Variants in DCLK1 observed in about 807,000 individuals in gnomAD.
DCLK1 encodes the protein serine/threonine-protein kinase DCLK1.
DCLK1 carries 16 observed loss-of-function variants against 86.2 expected under a neutral mutation model. The observed-to-expected ratio is 0.19, with a 90% CI of 0.13 to 0.28. DCLK1 has a LOEUF of 0.28. Ranked by LOEUF, DCLK1 falls within the 10% of genes least tolerant of loss-of-function variation. The pLI, the probability that DCLK1 is intolerant of heterozygous loss-of-function variation, is 1.00. For synonymous variants in DCLK1, 369 were observed against 370.5 expected, an observed-to-expected ratio of 1.00 and a Z score of 0.05; for missense variants, 590 against 940.2, an observed-to-expected ratio of 0.63 and a Z score of 4.87.
chr13:35,842,752 CT>C (rs1427769965), intron 6 of DCLK1, among the ~76,000 whole-genome samples: 1 of 152,200 alleles, frequency 6.6e-6, no homozygotes, highest in African/African-American at 2.4e-5. Context: ...GGACTTCACA[CT>C]TCCTCACGTT....
intron 3 of DCLK1, among the ~76,000 whole-genome samples, chr13:35,950,838 T>C (rs1175959806): frequency 6.6e-6 from 1 of 152,148 alleles, no homozygotes; most frequent in Admixed American, 6.5e-5. Flanking sequence ...CTCTTCTCTG[T>C]GGTTTCACTA....
At chr13:35,790,444 A>C (rs2086691597) in intron 16 of DCLK1, among the ~76,000 whole-genome samples, 1 of 152,192 alleles carries the variant, frequency 6.6e-6, no homozygotes, top group Non-Finnish European at 1.5e-5. Context: ...ACTGCCACCA[A>C]ACCACAAACT....
chr13:35,937,884 G>T (rs1243935593), intron 4 of DCLK1, among the ~76,000 whole-genome samples: 1 of 152,136 alleles, frequency 6.6e-6, no homozygotes, highest in Non-Finnish European at 1.5e-5. Context: ...AGGCAATGTG[G>T]TTTGGTGAGA....
At chr13:35,897,125 G>A (rs1874054090) in intron 4 of DCLK1, among the ~76,000 whole-genome samples, 1 of 152,166 alleles carries the variant, frequency 6.6e-6, no homozygotes, top group Admixed American at 6.5e-5. Context: ...TTCTGGAGTG[G>A]CAGATAAGGA....
chr13:35,771,724 G>C lies in DCLK1; in HGVS notation c.*2811C>G, dbSNP rs1002603989. On this transcript the variant is annotated 3_prime_UTR_variant, in exon 17 of 17. Transcript: ENST00000360631. ...CCATCACCAGGCCACCACCATAAGA[G>C]AGCTATATTAAATACTTGGGAAAAA... The C allele has an allele frequency of 2.0e-5, 3 of 152,060 alleles. No homozygotes were observed. Among genetic ancestry groups the C allele is most frequent in the Non-Finnish European group, 2.9e-5 (2 of 68,012 alleles). The allele number at this position is 152,060 out of a possible 1,614,324, so 9.4% of individuals were successfully genotyped here.
chr13:35,922,561 T>C (rs952681075), intron 4 of DCLK1, among the ~76,000 whole-genome samples: 5 of 152,160 alleles, frequency 3.3e-5, no homozygotes, highest in African/African-American at 1.2e-4. Flanking sequence ...ATTGTGAGGA[T>C]TGTAGGCAAT....
At chr13:35,917,202 C>T (rs537908063) in intron 4 of DCLK1, among the ~76,000 whole-genome samples, 2 of 152,302 alleles carry the variant, frequency 1.3e-5, no homozygotes, top group South Asian at 2.1e-4. Context: ...TGAAAACTCT[C>T]GTGTCACACG....
chr13:35,888,331 G>A (rs907842546), intron 4 of DCLK1, among the ~76,000 whole-genome samples: 6 of 152,014 alleles, frequency 3.9e-5, no homozygotes, highest in Non-Finnish European at 7.4e-5. Flanking sequence ...ACATCTCTGG[G>A]TACATGTGAT....
rs1047137025 is a variant in DCLK1 at position 35,799,250 on chromosome 13, G to GT, written c.1945-5772dup. On this transcript the variant is annotated intron_variant, in intron 15 of 16. Coordinates refer to ENST00000360631, the MANE Select transcript of DCLK1 (RefSeq NM_001330071.2). The stretch of plus-strand genomic sequence containing the variant: ...TGGGCTTCAGGCTTGAGCCTCAGTT[G>GT]TTTTTTTTTTGTTTTCTTGAGACAG... 7.5e-3 allele frequency among the ~76,000 whole-genome samples: 1,126 copies of GT among 149,390 alleles called. 7 individuals carry two copies. The highest frequency in any genetic ancestry group is 0.011 in the Non-Finnish European group (721 of 67,054).
intron 3 of DCLK1, among the ~76,000 whole-genome samples, chr13:36,091,874 T>C (rs775516685): frequency 1.3e-5 from 2 of 152,164 alleles, no homozygotes; most frequent in Non-Finnish European, 1.5e-5. Flanking sequence ...TCCTAGTTCC[T>C]ATGCCCTGAG....
intron 11 of DCLK1, among the ~76,000 whole-genome samples, chr13:35,822,360 T>C (rs1217415901): frequency 6.6e-6 from 1 of 151,736 alleles, no homozygotes; most frequent in Non-Finnish European, 1.5e-5. Context: ...GGGGTCTCAC[T>C]ATGTTGCCCC....
chr13:35,956,263 G>C (rs1877969238), intron 3 of DCLK1, among the ~76,000 whole-genome samples: 1 of 152,122 alleles, frequency 6.6e-6, no homozygotes, highest in African/African-American at 2.4e-5. Context: ...CAGGAAATTG[G>C]CTTATCTGAG....
chr13:36,085,015 A>G (rs1884544661), intron 3 of DCLK1, among the ~76,000 whole-genome samples: 1 of 152,234 alleles, frequency 6.6e-6, no homozygotes, highest in Admixed American at 6.5e-5. Flanking sequence ...CCAAAGATAG[A>G]TTACTAATAA....
intron 3 of DCLK1, among the ~76,000 whole-genome samples, chr13:36,085,143 A>C (rs1218322050): frequency 6.6e-6 from 1 of 152,176 alleles, no homozygotes; most frequent in African/African-American, 2.4e-5. Flanking sequence ...TAAATCAAAT[A>C]CACTAATTTT....
At chr13:36,008,562 T>C (rs1261715063) in intron 3 of DCLK1, among the ~76,000 whole-genome samples, 1 of 127,944 alleles carries the variant, frequency 7.8e-6, no homozygotes, top group African/African-American at 3.1e-5. Flanking sequence ...CTCATCATTT[T>C]TTATGGCTGC....
chr13:36,128,961 G>A (rs1023821399), intron 1 of DCLK1, among the ~76,000 whole-genome samples: 1 of 152,138 alleles, frequency 6.6e-6, no homozygotes, highest in African/African-American at 2.4e-5. Flanking sequence ...TCTTGGGGGT[G>A]GAGTGGAAGA....
chr13:36,112,257 G>T, intron 2 of DCLK1, 42 bp from the exon 3 acceptor site: 1 of 1,401,612 alleles, frequency 7.1e-7, no homozygotes, highest in Non-Finnish European at 9.5e-7. Flanking sequence ...ACTAAAATAT[G>T]CCCATTTCTT....
chr13:36,047,390 C>T (rs751993398), intron 3 of DCLK1, among the ~76,000 whole-genome samples: 5 of 152,150 alleles, frequency 3.3e-5, no homozygotes, highest in Non-Finnish European at 5.9e-5. Context: ...TTCACTGCAG[C>T]ATTATTCACA....
chr13:35,784,280 G>GTCA (rs2086581277), intron 16 of DCLK1, among the ~76,000 whole-genome samples: 1 of 152,146 alleles, frequency 6.6e-6, no homozygotes, highest in Non-Finnish European at 1.5e-5. Flanking sequence ...TTAAGACTTG[G>GTCA]AATGCCATGA....
Sources: allele counts gnomAD v4.1 joint callset (sites outside exome capture counted in the v4.1 genomes callset), GRCh38; gene constraint gnomAD v4.1.1; transcripts MANE v1.5; gene names NCBI Gene and HGNC (gene_info 2026-07-23, HGNC 2026-07-21).